Variants in GPC6 observed in about 807,000 individuals in gnomAD.
GPC6 encodes glypican-6.
Under a neutral mutation model 55.2 loss-of-function variants are expected in GPC6, and 14 were observed. That is an observed-to-expected ratio of 0.25 (90% CI 0.17 to 0.40). GPC6 has a LOEUF of 0.40. Among genes scored for constraint, GPC6 ranks in the 10% least tolerant of loss-of-function variants. GPC6 has a pLI of 1.00. For missense variants in GPC6, 641 were observed against 708.5 expected (o/e 0.90, Z 1.08); for synonymous variants, 278 against 259.6 (o/e 1.07, Z -0.68).
chr13:94,061,787 C>T (rs1438280122), intron 4 of GPC6, among the ~76,000 whole-genome samples: 6 of 147,970 alleles, frequency 4.1e-5, no homozygotes, highest in African/African-American at 1.5e-4. Context: ...GAGAGTCAGC[C>T]CTGGGGGAAA....
At chr13:93,490,479 AAC>A (rs1879929516) in intron 1 of GPC6, among the ~76,000 whole-genome samples, 1 of 59,150 alleles carries the variant, frequency 1.7e-5, no homozygotes, top group Admixed American at 1.7e-4. Flanking sequence ...TTTTTTTTTC[AAC>A]TTGAGTGATT....
At chr13:93,774,499 A>G (rs568289012) in intron 2 of GPC6, among the ~76,000 whole-genome samples, 2 of 152,302 alleles carry the variant, frequency 1.3e-5, no homozygotes, top group South Asian at 4.1e-4. Flanking sequence ...TATTTTTACC[A>G]AAATCCTAGA....
rs76504235 is a variant in GPC6, at chr13:93,859,415, A to AT, written c.711+28874dup. On this transcript the variant is annotated intron_variant, in intron 3 of 8. Transcript: ENST00000377047. Reference sequence around the variant, plus strand: ...ATAACTGCTTTATTACCAAGAAATGATTTTATAATCTGTAAATATTCATTT... The same window carrying AT: ...ATAACTGCTTTATTACCAAGAAATGATTTTTATAATCTGTAAATATTCATTT... 1.7e-3 allele frequency among the ~76,000 whole-genome samples: 260 copies of AT among 151,758 alleles called. 8 individuals are homozygous for AT. In the East Asian group the frequency reaches 0.044, roughly 26 times the overall value.
At chr13:94,060,723 A>G (rs1322127103) in intron 4 of GPC6, among the ~76,000 whole-genome samples, 4 of 152,186 alleles carry the variant, frequency 2.6e-5, no homozygotes, top group Non-Finnish European at 5.9e-5. Context: ...AGAGGTCATC[A>G]CTCAATCAAG....
chr13:94,206,179 C>G (rs1402286090), intron 4 of GPC6, among the ~76,000 whole-genome samples: 3 of 152,138 alleles, frequency 2.0e-5, no homozygotes, highest in Non-Finnish European at 4.4e-5. Flanking sequence ...CTGAATCATA[C>G]AAATAGAAAA....
chr13:94,296,948 A>G (rs1875365274), intron 5 of GPC6, among the ~76,000 whole-genome samples: 1 of 151,196 alleles, frequency 6.6e-6, no homozygotes, highest in African/African-American at 2.4e-5. Flanking sequence ...TATACAACTT[A>G]ATTTTTAATA....
intron 3 of GPC6, among the ~76,000 whole-genome samples, chr13:93,878,732 G>T (rs948640149): frequency 6.6e-6 from 1 of 152,060 alleles, no homozygotes; most frequent in Non-Finnish European, 1.5e-5. Context: ...CATCATCTTG[G>T]AAGCAGAGAC....
chr13:93,480,156 G>A (rs1287972396), intron 1 of GPC6, among the ~76,000 whole-genome samples: 1 of 152,088 alleles, frequency 6.6e-6, no homozygotes, highest in African/African-American at 2.4e-5. Flanking sequence ...GTCTCCAAGG[G>A]ACATTAATGC....
chr13:93,479,732 C>T (rs1879442598), intron 1 of GPC6, among the ~76,000 whole-genome samples: 1 of 152,098 alleles, frequency 6.6e-6, no homozygotes, highest in Non-Finnish European at 1.5e-5. Context: ...ATCTACATTA[C>T]CTTTAGGATC....
chr13:93,951,867 A>G (rs752666639), intron 3 of GPC6, among the ~76,000 whole-genome samples: 1 of 152,136 alleles, frequency 6.6e-6, no homozygotes, highest in East Asian at 1.9e-4. Context: ...GCAAAGGATG[A>G]AACAGTGGAC....
intron 1 of GPC6, among the ~76,000 whole-genome samples, chr13:93,359,030 G>A (rs1308686465): frequency 2.1e-5 from 3 of 146,266 alleles, no homozygotes; most frequent in African/African-American, 7.6e-5. Context: ...GTGCAGTGGT[G>A]TGATCACGGC....
intron 4 of GPC6, among the ~76,000 whole-genome samples, chr13:94,149,848 G>A (rs1040833626): frequency 6.6e-6 from 1 of 151,910 alleles, no homozygotes; most frequent in African/African-American, 2.4e-5. Context: ...CACTTCGCAC[G>A]TTCTATCTCC....
At chr13:93,256,774 A>C (rs1281194956) in intron 1 of GPC6, among the ~76,000 whole-genome samples, 1 of 152,152 alleles carries the variant, frequency 6.6e-6, no homozygotes, top group Non-Finnish European at 1.5e-5. Context: ...TATGGAGCAC[A>C]TGAACTTGGC....
intron 1 of GPC6, among the ~76,000 whole-genome samples, chr13:93,304,562 A>G (rs1878792139): frequency 1.3e-5 from 2 of 152,210 alleles, no homozygotes; most frequent in Non-Finnish European, 1.5e-5. Context: ...AGTTCTCCAT[A>G]GTTTTCACTA....
chr13:93,733,947 C>G (rs1883911094), intron 2 of GPC6, among the ~76,000 whole-genome samples: 1 of 152,148 alleles, frequency 6.6e-6, no homozygotes, highest in South Asian at 2.1e-4. Context: ...ATTTCATGTT[C>G]TTTCATTCAT....
intron 2 of GPC6, among the ~76,000 whole-genome samples, chr13:93,810,074 C>A (rs1411505): frequency 2.2e-3 from 330 of 151,634 alleles, no homozygotes; most frequent in African/African-American, 7.5e-3. Flanking sequence ...TCCTTCCCTA[C>A]GCATATTGTC....
intron 1 of GPC6, among the ~76,000 whole-genome samples, chr13:93,286,206 G>A (rs1253553546): frequency 6.6e-6 from 1 of 152,148 alleles, no homozygotes; most frequent in East Asian, 1.9e-4. Context: ...AGTGCCCAGT[G>A]AAGAGGGAAG....
At chr13:94,182,120 A>G (rs1489187191) in intron 4 of GPC6, among the ~76,000 whole-genome samples, 2 of 152,212 alleles carry the variant, frequency 1.3e-5, no homozygotes, top group African/African-American at 4.8e-5. Flanking sequence ...GTGTGGTAAC[A>G]AGGCAGGCCC....
chr13:93,832,122 A>T (rs9589853), intron 3 of GPC6, among the ~76,000 whole-genome samples: 231 of 11,854 alleles, frequency 0.019, no homozygotes, highest in Admixed American at 0.063. Context: ...AAAAAAAAAA[A>T]ATATATATAT....
Sources: allele counts gnomAD v4.1 joint callset (sites outside exome capture counted in the v4.1 genomes callset), GRCh38; gene constraint gnomAD v4.1.1; transcripts MANE v1.5; gene names NCBI Gene and HGNC (gene_info 2026-07-23, HGNC 2026-07-21).